The following DLG2 variants were observed in gnomAD, a reference collection of about 807,000 sequenced individuals.
The protein encoded by DLG2 is disks large homolog 2.
Under a neutral mutation model 132.5 loss-of-function variants are expected in DLG2, and 45 were observed. The observed-to-expected ratio is 0.34, with a 90% CI of 0.27 to 0.44. The LOEUF is 0.44. Ranked by LOEUF, DLG2 falls within the 20% of genes least tolerant of loss-of-function variation. The pLI is 1.00. For missense variants in DLG2, 1,045 were observed against 1,196.9 expected, an observed-to-expected ratio of 0.87 and a Z score of 1.87; for synonymous variants, 424 against 419.6, an observed-to-expected ratio of 1.01 and a Z score of -0.13.
At chr11:83,578,612 G>A (rs2096920347) in intron 19 of DLG2, among the ~76,000 whole-genome samples, 1 of 152,094 alleles carries the variant, frequency 6.6e-6, no homozygotes. Flanking sequence ...AAGTTGGAAT[G>A]ACTGCATTAA....
chr11:83,596,989 T>A (rs1349623897), intron 19 of DLG2, among the ~76,000 whole-genome samples: 2 of 152,188 alleles, frequency 1.3e-5, no homozygotes, highest in African/African-American at 2.4e-5. Flanking sequence ...GAGCTCATTA[T>A]GAATATACTT....
At chr11:84,792,657 T>C (rs552393282) in intron 6 of DLG2, among the ~76,000 whole-genome samples, 40 of 152,248 alleles carry the variant, frequency 2.6e-4, no homozygotes, top group African/African-American at 8.7e-4. Context: ...TGGTAGGTTC[T>C]ATGTGTCTAG....
intron 6 of DLG2, among the ~76,000 whole-genome samples, chr11:84,737,122 CT>C (rs2063939083): frequency 6.6e-6 from 1 of 151,708 alleles, no homozygotes; most frequent in African/African-American, 2.4e-5. Flanking sequence ...CATGGTTTTT[CT>C]ATGCCTGAGA....
chr11:84,168,201 C>T (rs1294790928), intron 8 of DLG2, among the ~76,000 whole-genome samples: 1 of 152,142 alleles, frequency 6.6e-6, no homozygotes, highest in Non-Finnish European at 1.5e-5. Context: ...TATATTAAGG[C>T]CTCATACAAG....
rs117706103 is a variant in DLG2 at position 85,277,983 on chromosome 11, C to A, written c.186+7237G>T. Among the ~76,000 whole-genome samples, 318 of 152,242 alleles carry A rather than the reference C, an allele frequency of 2.1e-3. 3 individuals are homozygous for A. The highest frequency in any genetic ancestry group is 3.9e-3 in the Non-Finnish European group (265 of 68,018). ...CATAAAAACCTTCTGTGGCTCACAA[C>A]GACCTGAAGAAAAGCATTTAAATGC... On this transcript the variant is annotated intron_variant, in intron 4 of 27. Coordinates refer to ENST00000376104, the MANE Select transcript of DLG2 (RefSeq NM_001142699.3).
chr11:85,090,974 CAAAG>C (rs1442640336), intron 6 of DLG2, among the ~76,000 whole-genome samples: 2 of 152,114 alleles, frequency 1.3e-5, no homozygotes, highest in African/African-American at 4.8e-5. Context: ...AAAGAGGAAA[CAAAG>C]AGAGACAGGG....
At chr11:84,830,323 G>GTA (rs1254900507) in intron 6 of DLG2, among the ~76,000 whole-genome samples, 1 of 150,408 alleles carries the variant, frequency 6.6e-6, no homozygotes, top group Admixed American at 6.6e-5. Context: ...CTTTTAAACA[G>GTA]TATAGCTCTC....
At chr11:84,272,384 A>G (rs1426415113) in intron 7 of DLG2, 2 of 380,170 alleles carry the variant, frequency 5.3e-6, no homozygotes, top group Non-Finnish European at 1.1e-5. Context: ...TTTAGCAGAG[A>G]TTATTTTTTA....
rs530063744 is a variant in DLG2, at chr11:85,052,174, A to C, written c.357+59487T>G. Among the ~76,000 whole-genome samples, 202 of 152,310 alleles carry C rather than the reference A, an allele frequency of 1.3e-3. 2 individuals are homozygous for C. In the Middle Eastern group the frequency reaches 0.014, roughly 10 times the overall value. On this transcript the variant is annotated intron_variant, in intron 6 of 27. Coordinates refer to ENST00000376104, the MANE Select transcript of DLG2 (RefSeq NM_001142699.3). Reference sequence around the variant, plus strand: ...TCTAATGTTGAAAATGTCATTATAAAGGGCAAGGAGGTATAATGAAGGTTC... The same window carrying C: ...TCTAATGTTGAAAATGTCATTATAACGGGCAAGGAGGTATAATGAAGGTTC...
chr11:83,514,663 A>G (rs369811219), intron 21 of DLG2, among the ~76,000 whole-genome samples: 3 of 152,016 alleles, frequency 2.0e-5, no homozygotes, highest in Non-Finnish European at 4.4e-5. Flanking sequence ...ATTGGCTGTG[A>G]GTTTGTCATA....
chr11:83,492,121 GAA>G (rs970821982), intron 21 of DLG2, among the ~76,000 whole-genome samples: 12 of 152,090 alleles, frequency 7.9e-5, no homozygotes, highest in African/African-American at 2.9e-4. Context: ...GCCCGTTACA[GAA>G]AAAGTTTCCT....
chr11:85,409,715 G>A (rs909484749), intron 3 of DLG2, among the ~76,000 whole-genome samples: 6 of 151,600 alleles, frequency 4.0e-5, no homozygotes, highest in Non-Finnish European at 8.8e-5. Flanking sequence ...CCGAATACTG[G>A]GCTTGAACTC....
chr11:84,355,591 C>T (rs888065336), intron 7 of DLG2, among the ~76,000 whole-genome samples: 1 of 151,986 alleles, frequency 6.6e-6, no homozygotes, highest in Non-Finnish European at 1.5e-5. Flanking sequence ...TTGTTATAAG[C>T]TTCTTAGTTT....
At chr11:84,974,425 T>C (rs2054573000) in intron 6 of DLG2, among the ~76,000 whole-genome samples, 1 of 152,182 alleles carries the variant, frequency 6.6e-6, no homozygotes, top group South Asian at 2.1e-4. Context: ...CTAAATGTCC[T>C]CACCTGTAGA....
At chr11:83,520,603 AAAGACAGACAGACAGGTAGG>A (rs1181711134) in intron 21 of DLG2, among the ~76,000 whole-genome samples, 1 of 148,270 alleles carries the variant, frequency 6.7e-6, no homozygotes, top group Non-Finnish European at 1.5e-5. Context: ...AGATAGATAG[AAAGACAGACAGACAGGTAGG>A]TAGATAGGTA....
intron 4 of DLG2, among the ~76,000 whole-genome samples, chr11:85,266,197 T>G (rs2077201456): frequency 6.6e-6 from 1 of 152,226 alleles, no homozygotes; most frequent in Non-Finnish European, 1.5e-5. Flanking sequence ...AAGGCCTGCA[T>G]GGAATTTGCT....
chr11:84,411,002 A>G (rs555429065), intron 7 of DLG2, among the ~76,000 whole-genome samples: 1 of 152,326 alleles, frequency 6.6e-6, no homozygotes, highest in East Asian at 1.9e-4. Context: ...AGTGACTGCT[A>G]ATTTCTAAAA....
At chr11:83,783,090 G>T (rs1186804566) in intron 18 of DLG2, among the ~76,000 whole-genome samples, 1 of 152,178 alleles carries the variant, frequency 6.6e-6, no homozygotes, top group East Asian at 1.9e-4. Context: ...AGTAATACAT[G>T]TTAATTTCAA....
chr11:84,400,621 T>C (rs770474880), intron 7 of DLG2, among the ~76,000 whole-genome samples: 25 of 152,338 alleles, frequency 1.6e-4, no homozygotes, highest in Non-Finnish European at 2.4e-4. Context: ...AATTGCTTTA[T>C]CACCAAAAGT....
Sources: gnomAD v4.1 joint callset for allele counts (sites outside exome capture counted in the v4.1 genomes callset) on GRCh38, gnomAD v4.1.1 for gene constraint, MANE v1.5 for transcripts, NCBI Gene and HGNC (gene_info 2026-07-23, HGNC 2026-07-21) for gene names.